The following AKAP10 variants were observed in gnomAD, a reference collection of about 807,000 sequenced individuals.
The protein encoded by AKAP10 is A-kinase anchor protein 10, mitochondrial.
In AKAP10, 24 loss-of-function variants were observed where a neutral mutation model predicts 80.8. The observed-to-expected ratio is 0.30, with a 90% CI of 0.22 to 0.42. The LOEUF is 0.42. Among genes scored for constraint, AKAP10 ranks in the 10% least tolerant of loss-of-function variants. The pLI, the probability that AKAP10 is intolerant of heterozygous loss-of-function variation, is 1.00. For missense variants in AKAP10, 661 were observed against 794.9 expected, an observed-to-expected ratio of 0.83 and a Z score of 2.03; for synonymous variants, 291 against 277.7, an observed-to-expected ratio of 1.05 and a Z score of -0.48.
intron 1 of AKAP10, among the ~76,000 whole-genome samples, chr17:19,975,702 C>T (rs2043556474): frequency 6.6e-6 from 1 of 152,158 alleles, no homozygotes; most frequent in African/African-American, 2.4e-5. Context: ...CAATAAGCTC[C>T]ATGGGTGCAG....
intron 12 of AKAP10, among the ~76,000 whole-genome samples, chr17:19,915,264 C>T (rs1221938143): frequency 2.6e-5 from 4 of 152,132 alleles, no homozygotes; most frequent in Admixed American, 6.6e-5. Flanking sequence ...GGTGTAACTT[C>T]CAGTTTACAA....
chr17:19,917,531 G>A (rs2042758879), intron 12 of AKAP10, among the ~76,000 whole-genome samples: 2 of 152,262 alleles, frequency 1.3e-5, no homozygotes, highest in Admixed American at 1.3e-4. Context: ...GTGCAATGGC[G>A]TGATCACAAT....
At chr17:19,919,232 C>T (rs772281462) in intron 12 of AKAP10, among the ~76,000 whole-genome samples, 8 of 152,138 alleles carry the variant, frequency 5.3e-5, no homozygotes, top group Admixed American at 6.6e-5. Flanking sequence ...CAGCTTCATC[C>T]ATGTCCCTAC....
At chr17:19,933,141 C>T (rs2042955877) in intron 9 of AKAP10, among the ~76,000 whole-genome samples, 1 of 152,122 alleles carries the variant, frequency 6.6e-6, no homozygotes, top group Non-Finnish European at 1.5e-5. Context: ...GCCTCAGCCT[C>T]CCGAGTAGCT....
At chr17:19,968,247 T>TA (rs1322552906) in intron 2 of AKAP10, among the ~76,000 whole-genome samples, 167 bp downstream of exon 2, 2 of 150,162 alleles carry the variant, frequency 1.3e-5, no homozygotes, top group Non-Finnish European at 3.0e-5. Context: ...TGCTAGATGT[T>TA]AAAGCATTAT....
chr17:19,974,618 G>A (rs571588285), intron 1 of AKAP10, among the ~76,000 whole-genome samples: 3 of 152,206 alleles, frequency 2.0e-5, no homozygotes, highest in Non-Finnish European at 4.4e-5. Flanking sequence ...ATGCATTGAT[G>A]GTATTTAAAG....
chr17:19,951,951 A>C (rs961404939), intron 4 of AKAP10, among the ~76,000 whole-genome samples: 1 of 150,504 alleles, frequency 6.6e-6, no homozygotes, highest in Non-Finnish European at 1.5e-5. Flanking sequence ...GAAATCAAAG[A>C]GGGAGAAACA....
At chr17:19,907,955 C>T (rs866647707) in intron 14 of AKAP10, among the ~76,000 whole-genome samples, 21 of 151,968 alleles carry the variant, frequency 1.4e-4, no homozygotes, top group African/African-American at 4.8e-4. Context: ...CCTTCACCTC[C>T]TGGGTTCAGG....
chr17:19,931,592 T>C (rs1048803591), intron 10 of AKAP10, among the ~76,000 whole-genome samples: 3 of 151,954 alleles, frequency 2.0e-5, no homozygotes, highest in African/African-American at 4.8e-5. Flanking sequence ...GGTTTCACCA[T>C]GTCGGCCAGG....
intron 12 of AKAP10, among the ~76,000 whole-genome samples, chr17:19,912,924 G>A (rs1567750721): frequency 6.6e-6 from 1 of 151,914 alleles, no homozygotes. Flanking sequence ...CTAACCTGCT[G>A]TGTGATTCCT....
chr17:19,914,008 T>C (rs1001155872), intron 12 of AKAP10, among the ~76,000 whole-genome samples: 3 of 152,146 alleles, frequency 2.0e-5, no homozygotes, highest in Non-Finnish European at 4.4e-5. Flanking sequence ...ACTATTTTTA[T>C]TTACTTTTTA....
intron 12 of AKAP10, among the ~76,000 whole-genome samples, chr17:19,918,909 T>C (rs2042779405): frequency 1.3e-5 from 2 of 152,160 alleles, no homozygotes; most frequent in Admixed American, 1.3e-4. Flanking sequence ...CCTATTAATA[T>C]TTTCCACATA....
At chr17:19,939,913 T>C in intron 7 of AKAP10, 64 bp from the exon 8 acceptor site, 2 of 1,518,770 alleles carry the variant, frequency 1.3e-6, no homozygotes, top group Non-Finnish European at 1.8e-6. Context: ...CAATCTCTAA[T>C]CTATAAGCTC....
intron 2 of AKAP10, 69 bp downstream of exon 2, chr17:19,968,345 G>T: frequency 1.6e-6 from 2 of 1,225,496 alleles, no homozygotes; most frequent in South Asian, 1.3e-5. Flanking sequence ...AGTATAACAG[G>T]ATTAAAGAAC....
intron 1 of AKAP10, among the ~76,000 whole-genome samples, chr17:19,977,221 G>C (rs2043580388): frequency 6.6e-6 from 1 of 152,144 alleles, no homozygotes; most frequent in Non-Finnish European, 1.5e-5. Flanking sequence ...TCAACATTTG[G>C]AAACTTCAGA....
chr17:19,973,830 T>C (rs754957000), intron 1 of AKAP10, among the ~76,000 whole-genome samples: 57 of 152,298 alleles, frequency 3.7e-4, no homozygotes, highest in Admixed American at 1.6e-3. Context: ...ACCTAACAGA[T>C]TTGCTGATGG....
At position 19,963,077 on chromosome 17, in the gene AKAP10, T is replaced by C. The variant is rs1001511082; in HGVS notation, c.137-55A>G. ...TAAACACAATTTGATAGCCTAAAAC[T>C]CTCATAAAGGGGCTTTCAGAGAACT... On this transcript the variant is annotated intron_variant, in intron 2 of 14. Coordinates refer to ENST00000225737, the MANE Select transcript of AKAP10 (RefSeq NM_007202.4). 6 of 1,437,132 alleles carry C rather than the reference T, an allele frequency of 4.2e-6. No individual in the cohort carries two copies. In the Admixed American group the frequency reaches 8.2e-5, roughly 20 times the overall value. 89.0% of individuals were successfully genotyped at this position (1,437,132 alleles called of 1,614,324 possible).
intron 1 of AKAP10, among the ~76,000 whole-genome samples, chr17:19,973,531 T>C (rs914679023): frequency 6.6e-6 from 1 of 152,356 alleles, no homozygotes; most frequent in African/African-American, 2.4e-5. Flanking sequence ...AGGAACTCTA[T>C]ATCCGAAATT....
At chr17:19,929,112 TA>T (rs2042905523) in intron 10 of AKAP10, among the ~76,000 whole-genome samples, 1 of 152,188 alleles carries the variant, frequency 6.6e-6, no homozygotes, top group Non-Finnish European at 1.5e-5. Context: ...AAAGACCACA[TA>T]ATATACGGTT....
Sources: allele counts gnomAD v4.1 joint callset (sites outside exome capture counted in the v4.1 genomes callset), GRCh38; gene constraint gnomAD v4.1.1; transcripts MANE v1.5; gene names NCBI Gene and HGNC (gene_info 2026-07-23, HGNC 2026-07-21).